Variants in PRDM2 observed in about 807,000 individuals in gnomAD.
The protein encoded by PRDM2 is PR domain zinc finger protein 2.
A neutral mutation model predicts 130.0 loss-of-function variants in PRDM2; 30 were observed. That is an observed-to-expected ratio of 0.23 (90% CI 0.17 to 0.31). PRDM2 has a LOEUF of 0.31. Ranked by LOEUF, PRDM2 falls within the 10% of genes least tolerant of loss-of-function variation. The pLI, the probability that PRDM2 is intolerant of heterozygous loss-of-function variation, is 1.00. For missense variants in PRDM2, 2,011 were observed against 2,108.4 expected (o/e 0.95, Z 0.90); for synonymous variants, 871 against 782.4 (o/e 1.11, Z -1.89).
chr1:13,797,925 T>A (rs576819491), intron 8 of PRDM2, among the ~76,000 whole-genome samples: 1 of 152,312 alleles, frequency 6.6e-6, no homozygotes, highest in Admixed American at 6.5e-5. Flanking sequence ...TGATTTTAAA[T>A]TCTTTTCCTT....
intron 6 of PRDM2, among the ~76,000 whole-genome samples, chr1:13,757,132 T>C (rs904389727): frequency 2.0e-5 from 3 of 152,250 alleles, no homozygotes; most frequent in African/African-American, 7.2e-5. Flanking sequence ...AAGTGTTTGG[T>C]GTAGGAGAGA....
Position 13,749,409 on chromosome 1 carries a change from A to C in PRDM2, c.433A>C (p.Asn145His). 1.3e-6 allele frequency: 2 copies of C among 1,505,056 alleles called. No homozygotes were observed. Among genetic ancestry groups the C allele is most frequent in the South Asian group, 1.1e-5 (1 of 88,116 alleles). 93.2% of individuals were successfully genotyped at this position (1,505,056 alleles called of 1,614,324 possible). Residue 145 changes from asparagine (N) to histidine (H), a missense_variant, in exon 6 of 10, where the codon AAC (asparagine) becomes CAC (histidine). This residue lies in a region of PRDM2 where 1,288 missense variants were observed against 1,237.7 expected (regional missense o/e 1.04). Transcript: ENST00000311066. ...CCTGGTCTGGTACAATGGGGAAGAC[A>C]ACCCTGAGATAGCAGCTGCGATTGA... ...ELLVWYNGED[N>H]PEIAAAIEEE...
intron 6 of PRDM2, among the ~76,000 whole-genome samples, chr1:13,766,977 G>C (rs2100607310): frequency 6.6e-6 from 1 of 152,316 alleles, no homozygotes; most frequent in Non-Finnish European, 1.5e-5. Flanking sequence ...TATTAGGCTA[G>C]TAGAACATAG....
rs549680031 is a variant in PRDM2 at position 13,806,807 on chromosome 1, C to T, written c.5037-9620C>T. The stretch of plus-strand genomic sequence containing the variant: ...TGCCCAGAAGGACAACTGACTGACA[C>T]CTCACTTGAAGGCCTATGAGACCCT... On this transcript the variant is annotated intron_variant, in intron 8 of 9. Transcript: ENST00000311066. This position sits in a 1 kb window ranked among gnomAD's most constrained non-coding sequence, Gnocchi z 4.1. Among the ~76,000 whole-genome samples the T allele has an allele frequency of 1.3e-4, 20 of 152,262 alleles. No homozygotes were observed. The highest frequency in any genetic ancestry group is 4.1e-4 in the African/African-American group (17 of 41,540).
At chr1:13,749,696 C>A (rs1643751143) in intron 6 of PRDM2, among the ~76,000 whole-genome samples, 1 of 151,662 alleles carries the variant, frequency 6.6e-6, no homozygotes, top group Non-Finnish European at 1.5e-5. Context: ...GCGATCGCTG[C>A]CCTCCCGCCC....
chr1:13,813,851 G>A (rs541691035), intron 8 of PRDM2, among the ~76,000 whole-genome samples: 46 of 152,326 alleles, frequency 3.0e-4, no homozygotes, highest in Admixed American at 1.4e-3. Flanking sequence ...GAGCCCAGGC[G>A]GAAGAGATGC....
At chr1:13,795,594 G>C (rs1401520844) in intron 8 of PRDM2, among the ~76,000 whole-genome samples, 1 of 152,238 alleles carries the variant, frequency 6.6e-6, no homozygotes, top group Non-Finnish European at 1.5e-5. Flanking sequence ...TGGACAAGAA[G>C]CACCAGCAGA....
At chr1:13,782,854 G>A (rs1327423948) in intron 8 of PRDM2, 23 bp downstream of exon 8, 17 of 1,606,930 alleles carry the variant, frequency 1.1e-5, no homozygotes, top group Non-Finnish European at 1.4e-5. Flanking sequence ...GCTGGTGGGA[G>A]GGAAAGACCG....
rs1643094404 is a variant in PRDM2 at position 13,731,157 on chromosome 1, A to G, written c.127+40A>G. 1.9e-6 allele frequency: 3 copies of G among 1,548,140 alleles called. No individual in the cohort carries two copies. In the East Asian group the frequency reaches 6.9e-5, roughly 35 times the overall value. ...TGTCACGGAGCAAGTCAGGCAGTAA[A>G]GAGCAGGTGGCAGTGAGGCTTCCTG... On this transcript the variant is annotated intron_variant, in intron 3 of 9. Transcript: ENST00000311066.
chr1:13,758,346 C>G (rs1644011121), intron 6 of PRDM2, among the ~76,000 whole-genome samples: 1 of 151,090 alleles, frequency 6.6e-6, no homozygotes, highest in African/African-American at 2.4e-5. Flanking sequence ...ACTCGGGAGG[C>G]TGAGGCACAA....
At chr1:13,772,450 G>A (rs977359529) in intron 6 of PRDM2, among the ~76,000 whole-genome samples, 1 of 152,206 alleles carries the variant, frequency 6.6e-6, no homozygotes, top group Non-Finnish European at 1.5e-5. Context: ...AATTGTTAAT[G>A]AAATATTGAC....
In PRDM2 at chr1:13,778,524, C is replaced by G; in HGVS notation, c.729C>G (p.Ala243=). 1 of 1,614,126 alleles carries G rather than the reference C, an allele frequency of 6.2e-7. No individual in the cohort carries two copies. Among genetic ancestry groups the G allele is most frequent in the African/African-American group, 1.3e-5 (1 of 75,008 alleles). Residue 243 remains alanine, a synonymous_variant, in exon 8 of 10, where the codon GCC becomes GCG. Transcript: ENST00000311066. ...TGCCTCCAGAACTAGCAACCCCTGC[C>G]CCTGCCTGGGAGCCACAGCCAGAAC... is the stretch of plus-strand genomic sequence containing the variant. ...QEVPPELATP[A]PAWEPQPEPD...
At chr1:13,739,204 G>A (rs1249714292) in intron 4 of PRDM2, among the ~76,000 whole-genome samples, 2 of 151,790 alleles carry the variant, frequency 1.3e-5, no homozygotes, top group East Asian at 1.9e-4. Flanking sequence ...CCGCCACCAC[G>A]CCCGGCTAAT....
At chr1:13,709,261 T>G (rs1642297979) in intron 1 of PRDM2, among the ~76,000 whole-genome samples, 1 of 152,090 alleles carries the variant, frequency 6.6e-6, no homozygotes, top group Non-Finnish European at 1.5e-5. Flanking sequence ...TAAATTGAAG[T>G]CCTAGATTTA....
chr1:13,770,559 A>G (rs1470971648), intron 6 of PRDM2, among the ~76,000 whole-genome samples: 2 of 152,006 alleles, frequency 1.3e-5, no homozygotes, highest in Admixed American at 6.6e-5. Context: ...CAAGAAATTG[A>G]CATCGGTTTT....
In PRDM2 at chr1:13,778,668, CGAG is replaced by C; in HGVS notation, c.875_877del (p.Glu292del). ...ATGATGATGATGATGAGTTGGAAGA[CGAG>C]GGGGAAGAAGAAGCCAGCATGCCAA... On this transcript the variant is annotated inframe_deletion, in exon 8 of 10. Transcript: ENST00000311066. 1.2e-6 allele frequency: 2 copies of C among 1,613,812 alleles called. No homozygotes were observed. The highest frequency in any genetic ancestry group is 1.3e-5 in the African/African-American group (1 of 74,936).
At chr1:13,722,501 A>C (rs1250749000) in intron 2 of PRDM2, among the ~76,000 whole-genome samples, 1 of 152,118 alleles carries the variant, frequency 6.6e-6, no homozygotes, top group Non-Finnish European at 1.5e-5. Context: ...GATTTCTTCC[A>C]ATAGAATTTT....
At chr1:13,811,566 G>A (rs1477985134) in intron 8 of PRDM2, among the ~76,000 whole-genome samples, 1 of 152,198 alleles carries the variant, frequency 6.6e-6, no homozygotes, top group African/African-American at 2.4e-5. Flanking sequence ...CCTCATGGCT[G>A]CCTCCACCCA....
At position 13,823,226 on chromosome 1, in the gene PRDM2, C is replaced by T; in HGVS notation, c.*91C>T. ...AGTCTGCCCTGCAGGGAGTACCGAC[C>T]TATCCCAGTTGTGTGAGGCTGCGAG... On this transcript the variant is annotated 3_prime_UTR_variant, in exon 10 of 10. Transcript: ENST00000311066. The T allele has an allele frequency of 6.2e-7, 1 of 1,604,612 alleles. No homozygotes were observed. The highest frequency in any genetic ancestry group is 2.2e-5 in the East Asian group (1 of 44,764).
Sources: gnomAD v4.1 joint callset for allele counts (sites outside exome capture counted in the v4.1 genomes callset) on GRCh38, gnomAD v4.1.1 for gene constraint, gnomAD v4.1.1 regional missense constraint, Gnocchi (gnomAD v3.1) non-coding constraint, MANE v1.5 for transcripts, NCBI Gene and HGNC (gene_info 2026-07-23, HGNC 2026-07-21) for gene names.